RSPH14: variants seen among roughly 807,000 people sequenced by gnomAD.
RSPH14 encodes the protein radial spoke head 14 homolog.
In RSPH14, 20 loss-of-function variants were observed where a neutral mutation model predicts 26.7. The observed-to-expected ratio is 0.75, with a 90% CI of 0.53 to 1.09. The LOEUF is 1.09. RSPH14 is among the 50% of genes least tolerant of loss of function. The probability of loss-of-function intolerance (pLI) is 0.00; values close to 1 mark genes in which losing one functional copy is unlikely to be tolerated. For synonymous variants in RSPH14, 177 were observed against 189.3 expected (o/e 0.93, Z 0.53); for missense variants, 449 against 457.2 (o/e 0.98, Z 0.16).
chr22:23,098,412 G>A (rs1001608219), intron 4 of RSPH14, among the ~76,000 whole-genome samples: 5 of 152,230 alleles, frequency 3.3e-5, no homozygotes, highest in South Asian at 4.1e-4. Flanking sequence ...GGTGGCCCCT[G>A]TGGGGCCTCA....
At chr22:23,150,749 G>GCTTCCC in the RSPH14 span, among the ~76,000 whole-genome samples, 25 of 152,160 alleles carry the variant, frequency 1.6e-4, no homozygotes, top group Non-Finnish European at 2.2e-4. Flanking sequence ...TAATCCCCTC[G>GCTTCCC]CTTCCCCTTC....
chr22:23,122,891 A>G (rs4820538), intron 4 of RSPH14, among the ~76,000 whole-genome samples: 37,068 of 152,174 alleles, frequency 0.24, 4,902 homozygotes, highest in East Asian at 0.36. Flanking sequence ...ACTGGCAAGG[A>G]GGGTGCTGCC....
At chr22:23,154,557 T>C in the RSPH14 span, among the ~76,000 whole-genome samples, 1 of 152,166 alleles carries the variant, frequency 6.6e-6, no homozygotes, top group Non-Finnish European at 1.5e-5. Flanking sequence ...TGGGGGTAGC[T>C]GAGGTGGAGC....
Position 23,136,647 on chromosome 22 carries a change from T to C in RSPH14, c.302+2193A>G, listed in dbSNP as rs1303494215. Among the ~76,000 whole-genome samples, 2 of 138,602 alleles carry C rather than the reference T, an allele frequency of 1.4e-5. 1 individual carries two copies. The highest frequency in any genetic ancestry group is 3.2e-5 in the Non-Finnish European group (2 of 62,244). The allele number at this position is 138,602 out of a possible 152,430, so 90.9% of individuals were successfully genotyped here. ...TATAAGTAGGTTGATGCAAAAGTAA[T>C]TGCGGTTTTTACCACTACTTTTAAT... On this transcript the variant is annotated intron_variant, in intron 3 of 6. Coordinates refer to ENST00000216036, the MANE Select transcript of RSPH14 (RefSeq NM_014433.3).
intron 4 of RSPH14, among the ~76,000 whole-genome samples, chr22:23,079,598 G>A (rs1354396707): frequency 6.6e-6 from 1 of 152,184 alleles, no homozygotes; most frequent in Non-Finnish European, 1.5e-5. Context: ...AAGCACAAGT[G>A]AGACATACTC....
At chr22:23,130,451 T>A (rs1277786562) in intron 4 of RSPH14, among the ~76,000 whole-genome samples, 1 of 71,144 alleles carries the variant, frequency 1.4e-5, no homozygotes, top group Admixed American at 1.6e-4. Flanking sequence ...TGAGACTCTG[T>A]CTCAAAAAAA....
At chr22:23,148,111 A>G (rs1199147384), upstream of RSPH14, among the ~76,000 whole-genome samples, 2 of 151,698 alleles carry the variant, frequency 1.3e-5, no homozygotes, top group Admixed American at 1.3e-4. Context: ...GGAGGAGGTG[A>G]CTCTAGACAG....
chr22:23,109,989 T>G (rs2069600641), intron 4 of RSPH14, among the ~76,000 whole-genome samples: 1 of 152,116 alleles, frequency 6.6e-6, no homozygotes. Context: ...AATCCAATTC[T>G]CCAATCTGTC....
intron 4 of RSPH14, among the ~76,000 whole-genome samples, chr22:23,077,592 G>A (rs374450991): frequency 1.4e-4 from 21 of 152,142 alleles, no homozygotes; most frequent in African/African-American, 4.8e-4. Context: ...GGTGTTGCAG[G>A]AGTGGGGTCA....
At chr22:23,146,565 C>T (rs777268501), upstream of RSPH14, 4 of 1,605,090 alleles carry the variant, frequency 2.5e-6, no homozygotes, top group Admixed American at 1.7e-5. Context: ...CAGGTATTTG[C>T]ACAGCTCCTT....
the RSPH14 span, among the ~76,000 whole-genome samples, chr22:23,156,820 C>T: frequency 6.6e-6 from 1 of 152,220 alleles, no homozygotes; most frequent in African/African-American, 2.4e-5. Flanking sequence ...TCGGGCCTCT[C>T]CTTGAAAGGA....
upstream of RSPH14, among the ~76,000 whole-genome samples, chr22:23,147,266 G>A (rs2070835963): frequency 6.6e-6 from 1 of 152,074 alleles, no homozygotes; most frequent in African/African-American, 2.4e-5. Context: ...ACCTCCATAG[G>A]GGGCAGTGGA....
intron 4 of RSPH14, among the ~76,000 whole-genome samples, chr22:23,086,634 C>G (rs758741650): frequency 1.2e-4 from 19 of 152,314 alleles, no homozygotes; most frequent in Middle Eastern, 3.4e-3. Context: ...AGACCCTCCC[C>G]GGGGCCCAGC....
the RSPH14 span, chr22:23,179,944 G>C: frequency 7.0e-6 from 2 of 285,674 alleles, no homozygotes; most frequent in Non-Finnish European, 1.3e-5. Context: ...GGTGCCCTCC[G>C]CATCGTTGGG....
At chr22:23,141,097 G>C (rs1332980808) in intron 1 of RSPH14, among the ~76,000 whole-genome samples, 1 of 152,130 alleles carries the variant, frequency 6.6e-6, no homozygotes, top group South Asian at 2.1e-4. Context: ...TGGGAGGCCC[G>C]AGGCAGGCGG....
At chr22:23,072,897 C>G (rs149550759) in intron 4 of RSPH14, among the ~76,000 whole-genome samples, 1 of 152,208 alleles carries the variant, frequency 6.6e-6, no homozygotes, top group Admixed American at 6.5e-5. Context: ...CAGTCTGGCC[C>G]TCAGGAGCTT....
chr22:23,164,630 T>C, the RSPH14 span, among the ~76,000 whole-genome samples: 1 of 152,198 alleles, frequency 6.6e-6, no homozygotes, highest in African/African-American at 2.4e-5. Context: ...GGTCTGGTCT[T>C]GTGGGCCCAG....
At chr22:23,108,492 C>T (rs901080285) in intron 4 of RSPH14, among the ~76,000 whole-genome samples, 1 of 152,182 alleles carries the variant, frequency 6.6e-6, no homozygotes, top group African/African-American at 2.4e-5. Context: ...AGGAGACAGC[C>T]GGGAGAGGCC....
chr22:23,093,380 T>C (rs1404975152), intron 4 of RSPH14, among the ~76,000 whole-genome samples: 3 of 152,186 alleles, frequency 2.0e-5, no homozygotes, highest in Non-Finnish European at 2.9e-5. Flanking sequence ...CAGTGCTTAC[T>C]GAACACCCAC....
Sources: allele counts gnomAD v4.1 joint callset (sites outside exome capture counted in the v4.1 genomes callset), GRCh38; gene constraint gnomAD v4.1.1; transcripts MANE v1.5; gene names NCBI Gene and HGNC (gene_info 2026-07-23, HGNC 2026-07-21).